Variants in CCDC66 observed in about 807,000 individuals in gnomAD.
The protein encoded by CCDC66 is coiled-coil domain-containing protein 66.
Under a neutral mutation model 128.3 loss-of-function variants are expected in CCDC66, and 133 were observed. The observed-to-expected ratio is 1.04, with a 90% confidence interval of 0.90 to 1.20. CCDC66 has a LOEUF of 1.20. Among genes scored for constraint, CCDC66 ranks in the 50% most tolerant of loss-of-function variants. The probability of loss-of-function intolerance (pLI) is 0.00; values close to 1 mark genes in which losing one functional copy is unlikely to be tolerated. For missense variants in CCDC66, 1,126 were observed against 1,075.5 expected, an observed-to-expected ratio of 1.05 and a Z score of -0.66; for synonymous variants, 387 against 357.0, an observed-to-expected ratio of 1.08 and a Z score of -0.95.
Position 56,619,899 on chromosome 3 carries a change from C to G in CCDC66, c.2758C>G (p.Gln920Glu). The change falls in exon 17 of 18, where the codon CAG becomes GAG. Residue 920 changes from glutamine to glutamate, a missense_variant and splice_region_variant. Gln to Glu is a conservative substitution (Grantham distance 29, BLOSUM62 2). Transcript: ENST00000394672. ...AILKGLSELR[Q>E]GLLQKQKELE... ...CCTTAAGGGACTTTCAGAACTGAGA[C>G]AGGTATGAGCTTTTTCAAGTGTAGA... is the stretch of plus-strand genomic sequence containing the variant. 2.5e-6 allele frequency: 4 copies of G among 1,613,530 alleles called. No homozygotes were observed. Among genetic ancestry groups the G allele is most frequent in the Non-Finnish European group, 3.4e-6 (4 of 1,179,718 alleles).
chr3:56,616,314 C>G (rs1349087265), intron 13 of CCDC66: 4 of 322,278 alleles, frequency 1.2e-5, no homozygotes, highest in Admixed American at 1.1e-4. Flanking sequence ...TCTAGAAACA[C>G]TGTACCCATT....
intron 7 of CCDC66, among the ~76,000 whole-genome samples, chr3:56,583,115 C>G (rs2068725164): frequency 6.6e-6 from 1 of 151,470 alleles, no homozygotes; most frequent in African/African-American, 2.4e-5. Flanking sequence ...AGTGCAACTG[C>G]CTTTGCCTCC....
At position 56,563,858 on chromosome 3, in the gene CCDC66, A is replaced by G. The variant is rs1236423896; in HGVS notation, c.277A>G (p.Lys93Glu). The change falls in exon 4 of 18, where the codon AAG becomes GAG. Residue 93 changes from lysine (K) to glutamate (E), a missense_variant. Lys to Glu is a moderately conservative substitution (Grantham distance 56). Transcript: ENST00000394672. ...EKNGMTFSST[K>E]DLCKQCIDKD... is the part of the protein sequence containing the mutation. ...AAATGGAATGACTTTTTCATCCACTAAGGATTTATGTAAACAATGTATAGA... is the reference window on the plus strand; with the variant it reads ...AAATGGAATGACTTTTTCATCCACTGAGGATTTATGTAAACAATGTATAGA... The G allele has an allele frequency of 4.4e-6, 7 of 1,593,376 alleles. No individual in the cohort carries two copies. Among genetic ancestry groups the G allele is most frequent in the Admixed American group, 1.7e-5 (1 of 57,184 alleles).
At chr3:56,621,482 A>G in intron 17 of CCDC66, 50 bp from the exon 18 acceptor site, 1 of 1,137,434 alleles carries the variant, frequency 8.8e-7, no homozygotes. Context: ...ACAACATTGC[A>G]AGTCAGGTGT....
intron 7 of CCDC66, among the ~76,000 whole-genome samples, chr3:56,575,039 T>C (rs947757224): frequency 2.0e-5 from 3 of 151,938 alleles, no homozygotes; most frequent in Non-Finnish European, 4.4e-5. Context: ...CCTGCTTCAA[T>C]TCTTTTGGGT....
At position 56,616,788 on chromosome 3, in the gene CCDC66, C is replaced by G. The variant is rs1035150124; in HGVS notation, c.1844-324C>G. 14 of 227,960 alleles carry G rather than the reference C, an allele frequency of 6.1e-5. 1 individual carries two copies. The highest frequency in any genetic ancestry group is 1.1e-4 in the Admixed American group (2 of 18,692). The allele number at this position is 227,960 out of a possible 1,614,324, so 14.1% of individuals were successfully genotyped here. A position where few individuals can be genotyped will look rare whatever the true frequency, so the allele number is the denominator to read the frequency against. Reference sequence around the variant, plus strand: ...ATCAGTGCATGTGGGTTCTGATTCTCTATATCCTTGCCAGCCCTTGTTATT... The same window carrying G: ...ATCAGTGCATGTGGGTTCTGATTCTGTATATCCTTGCCAGCCCTTGTTATT... On this transcript the variant is annotated intron_variant, in intron 13 of 17. Coordinates refer to ENST00000394672, the MANE Select transcript of CCDC66 (RefSeq NM_001141947.3).
intron 3 of CCDC66, among the ~76,000 whole-genome samples, chr3:56,563,170 G>A (rs897628766): frequency 7.9e-5 from 12 of 151,648 alleles, no homozygotes; most frequent in Non-Finnish European, 1.8e-4. Context: ...AGACCAGCCC[G>A]GCTAACATGG....
chr3:56,613,995 C>T (rs368318155), intron 11 of CCDC66, among the ~76,000 whole-genome samples: 41 of 152,276 alleles, frequency 2.7e-4, no homozygotes, highest in South Asian at 6.2e-4. Flanking sequence ...TCAAGCGATC[C>T]TCCCACCTCA....
chr3:56,594,789 G>A (rs746272309), intron 10 of CCDC66, among the ~76,000 whole-genome samples: 3 of 152,160 alleles, frequency 2.0e-5, no homozygotes, highest in African/African-American at 7.2e-5. Flanking sequence ...TTTAATATCT[G>A]CATAATTCTT....
At chr3:56,600,754 T>G (rs2073021906) in intron 10 of CCDC66, among the ~76,000 whole-genome samples, 1 of 152,136 alleles carries the variant, frequency 6.6e-6, no homozygotes, top group Admixed American at 6.5e-5. Context: ...TTTCTCCATA[T>G]GTTTGTTGGC....
At chr3:56,573,715 T>A (rs2066949240) in intron 7 of CCDC66, among the ~76,000 whole-genome samples, 3 of 149,590 alleles carry the variant, frequency 2.0e-5, no homozygotes, top group Admixed American at 7.1e-5. Flanking sequence ...CTGGTTTCTG[T>A]TTAGCCCTTA....
intron 10 of CCDC66, among the ~76,000 whole-genome samples, chr3:56,604,004 CTCT>C (rs2073673673): frequency 6.6e-6 from 1 of 152,064 alleles, no homozygotes; most frequent in Non-Finnish European, 1.5e-5. Flanking sequence ...GGATAGTTAG[CTCT>C]TCTTGTTGCA....
chr3:56,613,472 T>C (rs2075114471), intron 10 of CCDC66, 117 bp from the exon 11 acceptor site: 1 of 1,082,648 alleles, frequency 9.2e-7, no homozygotes, highest in Admixed American at 2.9e-5. Flanking sequence ...CTACTCATTA[T>C]TTTGGTTCCC....
At chr3:56,603,708 G>C (rs282538) in intron 10 of CCDC66, among the ~76,000 whole-genome samples, 110,885 of 151,786 alleles carry the variant, frequency 0.73, 41,479 homozygotes, top group Non-Finnish European at 0.81. Flanking sequence ...ACTTCCAATT[G>C]TGTGGTTAAT....
intron 3 of CCDC66, chr3:56,560,941 G>A (rs945060880): frequency 2.2e-6 from 1 of 456,332 alleles, no homozygotes; most frequent in Non-Finnish European, 4.4e-6. Flanking sequence ...CTAAGCCCTT[G>A]ATGGCTTTAC....
intron 13 of CCDC66, 70 bp downstream of exon 13, chr3:56,616,123 G>C: frequency 4.3e-6 from 6 of 1,407,294 alleles, no homozygotes; most frequent in Non-Finnish European, 5.8e-6. Flanking sequence ...TTAGAATTAA[G>C]TTCAATTTAA....
chr3:56,593,660 G>A lies in CCDC66; in HGVS notation c.1238G>A (p.Gly413Glu), dbSNP rs1296430882. 2.5e-6 allele frequency: 4 copies of A among 1,614,194 alleles called. No homozygotes were observed. Among genetic ancestry groups the A allele is most frequent in the Non-Finnish European group, 3.4e-6 (4 of 1,180,040 alleles). ...DVSSVCTPTTGSQVEPSEEEH... is the reference protein window; with the variant it reads ...DVSSVCTPTTESQVEPSEEEH... ...AGCAGTGTTTGTACACCTACAACCG[G>A]AAGCCAGGTTGAACCTTCAGAGGAG... is the stretch of plus-strand genomic sequence containing the variant. Residue 413 changes from glycine to glutamate, a missense_variant, in exon 9 of 18, where the codon GGA becomes GAA. By Grantham distance (98) the Gly-to-Glu change is moderately conservative. Coordinates refer to ENST00000394672, the MANE Select transcript of CCDC66 (RefSeq NM_001141947.3).
intron 7 of CCDC66, among the ~76,000 whole-genome samples, chr3:56,591,853 AG>A (rs1354298495): frequency 1.3e-5 from 2 of 152,260 alleles, no homozygotes; most frequent in African/African-American, 2.4e-5. Flanking sequence ...AAGGGAAGAA[AG>A]TAACATTGTG....
intron 7 of CCDC66, among the ~76,000 whole-genome samples, chr3:56,574,013 G>A (rs922573280): frequency 1.3e-5 from 2 of 151,702 alleles, no homozygotes; most frequent in African/African-American, 2.4e-5. Flanking sequence ...CTATATCCAG[G>A]ACTGGACAAC....
Sources: allele counts gnomAD v4.1 joint callset (sites outside exome capture counted in the v4.1 genomes callset), GRCh38; gene constraint gnomAD v4.1.1; transcripts MANE v1.5; gene names NCBI Gene and HGNC (gene_info 2026-07-23, HGNC 2026-07-21).